ADAMTSL1: variants seen among roughly 807,000 people sequenced by gnomAD.
ADAMTSL1 encodes ADAMTS like 1.
Under a neutral mutation model 201.8 loss-of-function variants are expected in ADAMTSL1, and 126 were observed. That is an observed-to-expected ratio of 0.62 (90% CI 0.54 to 0.72). The LOEUF (loss-of-function observed/expected upper bound fraction) is 0.72. Among genes scored for constraint, ADAMTSL1 ranks in the 30% least tolerant of loss-of-function variants. The probability of loss-of-function intolerance (pLI) is 0.00; values close to 1 mark genes in which losing one functional copy is unlikely to be tolerated. For missense variants in ADAMTSL1, 2,679 were observed against 2,277.8 expected, an observed-to-expected ratio of 1.18 and a Z score of -3.59; for synonymous variants, 1,121 against 903.4, an observed-to-expected ratio of 1.24 and a Z score of -4.32.
chr9:18,834,062 C>T (rs1389004646), intron 23 of ADAMTSL1, among the ~76,000 whole-genome samples: 3 of 152,062 alleles, frequency 2.0e-5, no homozygotes, highest in Non-Finnish European at 4.4e-5. Context: ...TGTTTTTGTA[C>T]CAGCACCATG....
At chr9:18,122,483 A>T (rs550740931) in intron 1 of ADAMTSL1, among the ~76,000 whole-genome samples, 1 of 152,276 alleles carries the variant, frequency 6.6e-6, no homozygotes, top group African/African-American at 2.4e-5. Flanking sequence ...AGAATGAGAA[A>T]TGACAGCCTT....
chr9:18,317,428 A>G (rs1834450106), intron 2 of ADAMTSL1, among the ~76,000 whole-genome samples: 1 of 151,722 alleles, frequency 6.6e-6, no homozygotes, highest in East Asian at 1.9e-4. Flanking sequence ...ACACACGTAC[A>G]TGAGCAAATT....
intron 4 of ADAMTSL1, among the ~76,000 whole-genome samples, chr9:18,611,177 T>G (rs754602942): frequency 1.3e-5 from 2 of 152,192 alleles, no homozygotes; most frequent in African/African-American, 2.4e-5. Context: ...TATACCATGA[T>G]GTCACCACAA....
chr9:18,681,956 A>G lies in ADAMTSL1; in HGVS notation c.1486A>G (p.Lys496Glu). ...CIVPTPCYKP[K>E]EKLPVEAKLP... ...CGTACCCACTCCCTGCTATAAACCC[A>G]AAGGTAACTTGACAGGTGCTCTATT... Residue 496 changes from lysine (K) to glutamate (E), a missense_variant, in exon 12 of 29, where the codon AAA (lysine) becomes GAA (glutamate). Transcript: ENST00000380548. 6 of 1,614,060 alleles carry G rather than the reference A, an allele frequency of 3.7e-6. No individual in the cohort carries two copies. The highest frequency in any genetic ancestry group is 5.1e-6 in the Non-Finnish European group (6 of 1,179,944).
chr9:18,419,247 A>G lies in ADAMTSL1; in HGVS notation c.208-85582A>G, dbSNP rs915525280. On this transcript the variant is annotated intron_variant, in intron 2 of 29. Coordinates refer to the ADAMTSL1 transcript ENST00000680146. ...AAAGTGTAAAACTATAAAACTTTTCAAAGAAAACCTAGGAGAAAAATCTTT... is the reference window on the plus strand; with the variant it reads ...AAAGTGTAAAACTATAAAACTTTTCGAAGAAAACCTAGGAGAAAAATCTTT... Among the ~76,000 whole-genome samples the G allele has an allele frequency of 5.9e-5, 9 of 152,318 alleles. No homozygotes were observed. In the East Asian group the frequency reaches 1.3e-3, roughly 23 times the overall value.
chr9:18,290,972 G>C (rs1376182897), intron 2 of ADAMTSL1, among the ~76,000 whole-genome samples: 1 of 151,910 alleles, frequency 6.6e-6, no homozygotes, highest in Non-Finnish European at 1.5e-5. Flanking sequence ...TAGTAGAGTC[G>C]GGGTTTCACC....
chr9:18,712,560 A>G (rs1451955785), intron 14 of ADAMTSL1, among the ~76,000 whole-genome samples: 1 of 152,072 alleles, frequency 6.6e-6, no homozygotes, highest in Non-Finnish European at 1.5e-5. Context: ...GAAAGAATCA[A>G]AAGAAATGAG....
chr9:18,857,869 A>G (rs1826960548), intron 23 of ADAMTSL1, among the ~76,000 whole-genome samples: 1 of 152,162 alleles, frequency 6.6e-6, no homozygotes, highest in Non-Finnish European at 1.5e-5. Context: ...GATGACTCAT[A>G]TCTTTTGACA....
At chr9:18,180,270 A>C (rs1358908472) in intron 2 of ADAMTSL1, among the ~76,000 whole-genome samples, 1 of 152,230 alleles carries the variant, frequency 6.6e-6, no homozygotes, top group Non-Finnish European at 1.5e-5. Flanking sequence ...ACGGTGGCTC[A>C]CGCCTGTAAT....
At position 18,700,561 on chromosome 9, in the gene ADAMTSL1, A is replaced by C. The variant is rs576154610; in HGVS notation, c.1575-6186A>C. Among the ~76,000 whole-genome samples, 96 of 152,258 alleles carry C rather than the reference A, an allele frequency of 6.3e-4. 1 individual carries two copies. Among genetic ancestry groups the C allele is most frequent in the African/African-American group, 2.3e-3 (95 of 41,574 alleles). On this transcript the variant is annotated intron_variant, in intron 13 of 28. Transcript: ENST00000380548. Reference sequence around the variant, plus strand: ...TTATCCTAAGGTTTTTACTCCATTAATGTCTCAAGGATTGCCCAGAATCAG... The same window carrying C: ...TTATCCTAAGGTTTTTACTCCATTACTGTCTCAAGGATTGCCCAGAATCAG...
At position 18,836,658 on chromosome 9, in the gene ADAMTSL1, A is replaced by T. The variant is rs1167252652; in HGVS notation, c.4249+6681A>T. ...AAAATGAGGTTGATAGTTTGATAAT[A>T]ATAGCATTAAATCTGTAGATTGCCT... On this transcript the variant is annotated intron_variant, in intron 23 of 28. Coordinates refer to ENST00000380548, the MANE Select transcript of ADAMTSL1 (RefSeq NM_001040272.6). Among the ~76,000 whole-genome samples, 35 of 152,170 alleles carry T rather than the reference A, an allele frequency of 2.3e-4. 1 individual carries two copies. Among genetic ancestry groups the T allele is most frequent in the Admixed American group, 2.3e-3 (35 of 15,270 alleles).
chr9:18,208,321 C>T (rs1829737367), intron 2 of ADAMTSL1, among the ~76,000 whole-genome samples: 1 of 152,016 alleles, frequency 6.6e-6, no homozygotes, highest in Non-Finnish European at 1.5e-5. Context: ...AATTGCTCAA[C>T]AAAATAAACA....
chr9:18,068,516 T>C (rs1352430020), intron 1 of ADAMTSL1, among the ~76,000 whole-genome samples: 1 of 152,130 alleles, frequency 6.6e-6, no homozygotes, highest in Non-Finnish European at 1.5e-5. Context: ...TCTGGGGTTC[T>C]AGAACCAATC....
intron 1 of ADAMTSL1, among the ~76,000 whole-genome samples, chr9:18,116,783 G>A (rs1469041476): frequency 6.6e-6 from 1 of 152,182 alleles, no homozygotes; most frequent in African/African-American, 2.4e-5. Context: ...TGTTACGTAT[G>A]TATACATGTG....
chr9:18,309,100 A>G lies in ADAMTSL1; in HGVS notation c.207+145119A>G, dbSNP rs949891485. Among the ~76,000 whole-genome samples the G allele has an allele frequency of 5.9e-5, 9 of 152,352 alleles. No individual in the cohort carries two copies. In the South Asian group the frequency reaches 1.0e-3, roughly 18 times the overall value. ...TGACAAAAACCACATGATTATCTCA[A>G]TAGATGCAGAAAAAAGCCTTGGATA... On this transcript the variant is annotated intron_variant, in intron 2 of 29. Transcript: ENST00000680146.
intron 14 of ADAMTSL1, among the ~76,000 whole-genome samples, chr9:18,710,390 G>C (rs1293475293): frequency 6.6e-6 from 1 of 152,188 alleles, no homozygotes; most frequent in Non-Finnish European, 1.5e-5. Context: ...TGAGGCAAGT[G>C]GTCCCTGTGA....
chr9:18,680,234 G>C (rs1830380140), intron 10 of ADAMTSL1, 78 bp from the exon 11 acceptor site: 2 of 1,400,096 alleles, frequency 1.4e-6, no homozygotes, highest in Middle Eastern at 2.3e-4. Context: ...TAGACATGGG[G>C]AGTGGGTTGG....
chr9:18,640,441 T>A (rs776686541), intron 7 of ADAMTSL1, among the ~76,000 whole-genome samples: 1 of 152,112 alleles, frequency 6.6e-6, no homozygotes, highest in Non-Finnish European at 1.5e-5. Flanking sequence ...ACTATAGTAA[T>A]TTCCCTAGTG....
intron 26 of ADAMTSL1, among the ~76,000 whole-genome samples, chr9:18,897,485 C>A (rs967616067): frequency 2.0e-5 from 3 of 152,226 alleles, no homozygotes; most frequent in Non-Finnish European, 2.9e-5. Context: ...AGGTCAGTAC[C>A]CACCTGGGAC....
Sources: gnomAD v4.1 joint callset for allele counts (sites outside exome capture counted in the v4.1 genomes callset) on GRCh38, gnomAD v4.1.1 for gene constraint, MANE v1.5 for transcripts, NCBI Gene and HGNC (gene_info 2026-07-23, HGNC 2026-07-21) for gene names.